RAD54L2: variants seen among roughly 807,000 people sequenced by gnomAD.
RAD54L2 encodes the protein helicase ARIP4.
RAD54L2 carries 27 observed loss-of-function variants against 138.4 expected under a neutral mutation model. The observed-to-expected ratio is 0.20, with a 90% CI of 0.14 to 0.27. RAD54L2 has a LOEUF of 0.27. RAD54L2 is among the 10% of genes least tolerant of loss of function. The pLI, the probability that RAD54L2 is intolerant of heterozygous loss-of-function variation, is 1.00. For missense variants in RAD54L2, 1,396 were observed against 1,890.2 expected (o/e 0.74, Z 4.85); for synonymous variants, 644 against 723.2 (o/e 0.89, Z 1.76).
chr3:51,655,872 T>G, intron 19 of RAD54L2, 99 bp from the exon 20 acceptor site: 1 of 983,520 alleles, frequency 1.0e-6, no homozygotes, highest in Non-Finnish European at 1.5e-6. Context: ...CATCAACTGA[T>G]GGTGTAGAAT....
At chr3:51,646,563 A>C in intron 19 of RAD54L2, 82 bp downstream of exon 19, 1 of 1,343,770 alleles carries the variant, frequency 7.4e-7, no homozygotes, top group Non-Finnish European at 1.0e-6. Context: ...ATAAAGGCAG[A>C]GCCTACAACT....
In RAD54L2 at chr3:51,631,734, C is replaced by T. The variant is rs183589581; in HGVS notation, c.825+803C>T. On this transcript the variant is annotated intron_variant, in intron 7 of 22. Coordinates refer to ENST00000684192, the MANE Select transcript of RAD54L2 (RefSeq NM_015106.4). ...CTCACTGCAGCCTTCACTCCCTGGG[C>T]TCAGGTGATCCTCCACCTCAGCCTA... Among the ~76,000 whole-genome samples, 17 of 152,164 alleles carry T rather than the reference C, an allele frequency of 1.1e-4. No homozygotes were observed. In the East Asian group the frequency reaches 2.1e-3, roughly 19 times the overall value.
At chr3:51,594,860 CTTT>C (rs71278623) in intron 3 of RAD54L2, among the ~76,000 whole-genome samples, 175 of 33,526 alleles carry the variant, frequency 5.2e-3, no homozygotes, top group African/African-American at 0.02. Context: ...TTGATGGGCG[CTTT>C]TTTTTTTTTT....
At position 51,590,371 on chromosome 3, in the gene RAD54L2, C is replaced by G; in HGVS notation, c.-50C>G. The G allele has an allele frequency of 2.0e-6, 3 of 1,476,184 alleles. No individual in the cohort carries two copies. Among genetic ancestry groups the G allele is most frequent in the Non-Finnish European group, 2.7e-6 (3 of 1,109,428 alleles). The allele number at this position is 1,476,184 out of a possible 1,614,324, so 91.4% of individuals were successfully genotyped here. On this transcript the variant is annotated 5_prime_UTR_variant, in exon 3 of 23. Transcript: ENST00000684192. Reference sequence around the variant, plus strand: ...ATGCCTTTCATCCTCTCCTAGCACCCCTGCAGTGGACCATGAGTCGGTAAT... The same window carrying G: ...ATGCCTTTCATCCTCTCCTAGCACCGCTGCAGTGGACCATGAGTCGGTAAT...
chr3:51,609,593 G>A (rs552947901), intron 3 of RAD54L2, among the ~76,000 whole-genome samples: 24 of 152,234 alleles, frequency 1.6e-4, no homozygotes, highest in Admixed American at 7.2e-4. Context: ...TTTGCCTCTT[G>A]TGCTTTCCCA....
At chr3:51,594,382 T>C (rs1427744092) in intron 3 of RAD54L2, among the ~76,000 whole-genome samples, 1 of 152,188 alleles carries the variant, frequency 6.6e-6, no homozygotes, top group African/African-American at 2.4e-5. Context: ...CCATACTTAA[T>C]TGTCTGGATA....
intron 3 of RAD54L2, among the ~76,000 whole-genome samples, chr3:51,615,492 C>T (rs779189257): frequency 7.9e-5 from 12 of 152,074 alleles, no homozygotes; most frequent in East Asian, 1.9e-4. Context: ...TTTACTCTAG[C>T]GGCAAAATTT....
At chr3:51,550,150 C>CT (rs1698801396) in intron 2 of RAD54L2, among the ~76,000 whole-genome samples, 1 of 152,154 alleles carries the variant, frequency 6.6e-6, no homozygotes, top group African/African-American at 2.4e-5. Flanking sequence ...CTCACTTGAG[C>CT]TGATCGCTCT....
At chr3:51,622,523 T>C (rs1700588420) in intron 3 of RAD54L2, among the ~76,000 whole-genome samples, 1 of 152,162 alleles carries the variant, frequency 6.6e-6, no homozygotes, top group African/African-American at 2.4e-5. Flanking sequence ...GCAAAAGCTG[T>C]CTACCCGAAA....
At chr3:51,590,338 T>G in intron 2 of RAD54L2, 29 bp from the exon 3 acceptor site, 1 of 1,412,728 alleles carries the variant, frequency 7.1e-7, no homozygotes, top group East Asian at 2.6e-5. Flanking sequence ...AAACCCTTGG[T>G]GATTCTGATG....
chr3:51,596,932 A>G (rs964979291), intron 3 of RAD54L2, among the ~76,000 whole-genome samples: 2 of 152,216 alleles, frequency 1.3e-5, no homozygotes, highest in Non-Finnish European at 2.9e-5. Flanking sequence ...TGGGAGGCCA[A>G]GGCAGGCGGA....
At chr3:51,627,823 A>C (rs1700728573) in intron 4 of RAD54L2, 69 bp downstream of exon 4, 1 of 1,543,224 alleles carries the variant, frequency 6.5e-7, no homozygotes, top group East Asian at 2.3e-5. Flanking sequence ...AAGGCTGTCA[A>C]TAGCAAAAAG....
At chr3:51,601,219 G>A (rs1438793651) in intron 3 of RAD54L2, among the ~76,000 whole-genome samples, 1 of 151,696 alleles carries the variant, frequency 6.6e-6, no homozygotes, top group Non-Finnish European at 1.5e-5. Flanking sequence ...TCACCATTTT[G>A]GCCAGGCTGG....
chr3:51,663,594 CAAAAAAAAAAAAA>C lies in RAD54L2; in HGVS notation c.*186_*198del, dbSNP rs34235841. 27 of 54,840 alleles carry C rather than the reference CAAAAAAAAAAAAA, an allele frequency of 4.9e-4. No individual in the cohort carries two copies. Among genetic ancestry groups the C allele is most frequent in the Middle Eastern group, 8.5e-3 (1 of 118 alleles). 3.4% of individuals were successfully genotyped at this position (54,840 alleles called of 1,614,324 possible). A position where few individuals can be genotyped will look rare whatever the true frequency, so the allele number is the denominator to read the frequency against. The stretch of plus-strand genomic sequence containing the variant: ...CTCTGTTGCTGTTTAACAAAAGAGG[CAAAAAAAAAAAAA>C]AAAAAAAAAAAGTCCAACACAGCAG... On this transcript the variant is annotated 3_prime_UTR_variant, in exon 23 of 23. Transcript: ENST00000684192.
Position 51,590,389 on chromosome 3 carries a change from T to G in RAD54L2, c.-32T>G, listed in dbSNP as rs1265140146. 4 of 1,492,608 alleles carry G rather than the reference T, an allele frequency of 2.7e-6. No individual in the cohort carries two copies. In the South Asian group the frequency reaches 5.4e-5, roughly 20 times the overall value. 92.5% of individuals were successfully genotyped at this position (1,492,608 alleles called of 1,614,324 possible). A position where few individuals can be genotyped will look rare whatever the true frequency, so the allele number is the denominator to read the frequency against. On this transcript the variant is annotated 5_prime_UTR_variant, in exon 3 of 23. Coordinates refer to ENST00000684192, the MANE Select transcript of RAD54L2 (RefSeq NM_015106.4). Reference sequence around the variant, plus strand: ...TAGCACCCCTGCAGTGGACCATGAGTCGGTAATGCCCACTGAGGACCTCTG... The same window carrying G: ...TAGCACCCCTGCAGTGGACCATGAGGCGGTAATGCCCACTGAGGACCTCTG...
At chr3:51,606,408 T>G (rs887028909) in intron 3 of RAD54L2, among the ~76,000 whole-genome samples, 2 of 152,108 alleles carry the variant, frequency 1.3e-5, no homozygotes, top group Non-Finnish European at 2.9e-5. Context: ...ACTCTTTAGG[T>G]ACAGAATCCG....
At chr3:51,559,471 A>G (rs1481166070) in intron 2 of RAD54L2, among the ~76,000 whole-genome samples, 3 of 152,226 alleles carry the variant, frequency 2.0e-5, no homozygotes, top group African/African-American at 7.2e-5. Context: ...CTTCAGATCC[A>G]AACTGATTCA....
In RAD54L2 at chr3:51,590,559, G is replaced by A. The variant is rs1024440583; in HGVS notation, c.139G>A (p.Asp47Asn). ...DRDDEEDLLDDPSLEGMCGTE... is the reference protein window; with the variant it reads ...DRDDEEDLLDNPSLEGMCGTE... ...GGATGATGAAGAAGACCTGCTGGAT[G>A]GTAAGTGGGCTCTATTGAGTGACAG... Residue 47 changes from aspartate (D) to asparagine (N), a missense_variant and splice_region_variant, in exon 3 of 23, where the codon GAC becomes AAC. Transcript: ENST00000684192. 1.0e-5 allele frequency: 16 copies of A among 1,552,264 alleles called. No individual in the cohort carries two copies. In the Middle Eastern group the frequency reaches 5.0e-4, roughly 48 times the overall value.
chr3:51,547,331 G>A (rs556283639), intron 2 of RAD54L2, among the ~76,000 whole-genome samples: 2 of 151,656 alleles, frequency 1.3e-5, no homozygotes, highest in African/African-American at 4.8e-5. Flanking sequence ...AGCTGTAATT[G>A]TGCCACTATC....
Sources: gnomAD v4.1 joint callset for allele counts (sites outside exome capture counted in the v4.1 genomes callset) on GRCh38, gnomAD v4.1.1 for gene constraint, MANE v1.5 for transcripts, NCBI Gene and HGNC (gene_info 2026-07-23, HGNC 2026-07-21) for gene names.